The following VSTM2A variants were observed in gnomAD, a reference collection of about 807,000 sequenced individuals.
The protein encoded by VSTM2A is V-set and transmembrane domain-containing protein 2A.
VSTM2A carries 13 observed loss-of-function variants against 27.3 expected under a neutral mutation model. That is an observed-to-expected ratio of 0.48 (90% confidence interval 0.31 to 0.76). The LOEUF is 0.76. Ranked by LOEUF, VSTM2A falls within the 30% of genes least tolerant of loss-of-function variation. The pLI, the probability that VSTM2A is intolerant of heterozygous loss-of-function variation, is 0.05. For missense variants in VSTM2A, 280 were observed against 310.0 expected (o/e 0.90, Z 0.73); for synonymous variants, 142 against 125.7 (o/e 1.13, Z -0.87).
At chr7:54,569,018 T>C in intron 4 of VSTM2A, 113 bp from the exon 5 acceptor site, 1 of 1,601,158 alleles carries the variant, frequency 6.2e-7, no homozygotes, top group South Asian at 1.1e-5. Context: ...GGTGCGAGGA[T>C]AGCTACAAGC....
chr7:54,547,018 G>C, intron 3 of VSTM2A, 21 bp downstream of exon 3: 1 of 1,570,752 alleles, frequency 6.4e-7, no homozygotes, highest in Non-Finnish European at 8.6e-7. Flanking sequence ...GGCGCGCCAA[G>C]GGCCGCGGGC....
In VSTM2A at chr7:54,542,846, CGT is replaced by C. The variant is rs149647056; in HGVS notation, c.79+48_79+49del. ...TCAATGGCAAATATACATTTGCTTG[CGT>C]GTGTGTGTGTTTCCTACACTCAAAA... On this transcript the variant is annotated intron_variant, in intron 1 of 4. Transcript: ENST00000402613. The C allele has an allele frequency of 5.4e-3, 8,382 of 1,564,686 alleles. 375 individuals are homozygous for C. In the African/African-American group the frequency reaches 0.097, roughly 18 times the overall value.
At chr7:54,569,089 A>G (rs1245883492) in intron 4 of VSTM2A, 42 bp from the exon 5 acceptor site, 2 of 1,602,124 alleles carry the variant, frequency 1.2e-6, no homozygotes, top group Non-Finnish European at 8.5e-7. Context: ...GCTTTAATCT[A>G]AAGTGCTGAC....
intron 4 of VSTM2A, among the ~76,000 whole-genome samples, chr7:54,568,234 C>T (rs1788782374): frequency 1.3e-5 from 2 of 152,208 alleles, no homozygotes; most frequent in Non-Finnish European, 1.5e-5. Flanking sequence ...TCAGTGTGGA[C>T]CCAAACATGA....
chr7:54,545,098 C>G (rs908047096), intron 2 of VSTM2A, among the ~76,000 whole-genome samples: 1 of 152,082 alleles, frequency 6.6e-6, no homozygotes, highest in Admixed American at 6.5e-5. Flanking sequence ...CCCGGGACAT[C>G]CGGGAGCCCC....
chr7:54,562,942 CTAAA>C (rs1418473395), intron 4 of VSTM2A, among the ~76,000 whole-genome samples: 1 of 152,170 alleles, frequency 6.6e-6, no homozygotes, highest in Non-Finnish European at 1.5e-5. Flanking sequence ...AACTCTGTGA[CTAAA>C]TAGTTTCAAG....
In VSTM2A at chr7:54,542,463, G is replaced by A; in HGVS notation, c.-268G>A. 2.0e-6 allele frequency: 1 copy of A among 489,574 alleles called. No homozygotes were observed. The highest frequency in any genetic ancestry group is 3.6e-6 in the Non-Finnish European group (1 of 279,626). 30.3% of individuals were successfully genotyped at this position (489,574 alleles called of 1,614,324 possible). On this transcript the variant is annotated 5_prime_UTR_variant, in exon 1 of 5. Coordinates refer to ENST00000402613, the MANE Select transcript of VSTM2A (RefSeq NM_001301009.2). ...ACGTTGGACGAGCTGCCAGGTAGCT[G>A]AAAGCAGGCAGCCAGGCAGCCGAGA...
At chr7:54,546,558 C>CCCCGGCCCG (rs1554330498) in intron 2 of VSTM2A, 1 of 136,302 alleles carries the variant, frequency 7.3e-6, no homozygotes, top group African/African-American at 3.4e-5. Flanking sequence ...CCTGGCGCCC[C>CCCCGGCCCG]CCCGCCTGCC....
chr7:54,556,969 C>T (rs1160225863), intron 4 of VSTM2A: 5 of 152,198 alleles, frequency 3.3e-5, no homozygotes, highest in Admixed American at 2.0e-4. Flanking sequence ...TGATGTCTGC[C>T]ACTTCAGGAA....
chr7:54,567,611 A>G (rs976928092), intron 4 of VSTM2A, among the ~76,000 whole-genome samples: 1 of 152,226 alleles, frequency 6.6e-6, no homozygotes, highest in Non-Finnish European at 1.5e-5. Context: ...AAGAAAACCA[A>G]TATTTCACAA....
intron 4 of VSTM2A, chr7:54,553,991 T>C (rs1381732718): frequency 5.8e-6 from 9 of 1,553,144 alleles, no homozygotes; most frequent in Non-Finnish European, 7.0e-6. Flanking sequence ...CACACAGAAC[T>C]GTGAAGCGGC....
chr7:54,550,372 C>G, intron 4 of VSTM2A: 1 of 1,398,394 alleles, frequency 7.2e-7, no homozygotes. Flanking sequence ...CCCGTCAGTC[C>G]CCTAGTGGTG....
intron 1 of VSTM2A, 107 bp from the exon 2 acceptor site, chr7:54,544,515 G>A (rs541925510): frequency 1.5e-6 from 2 of 1,356,884 alleles, no homozygotes; most frequent in Admixed American, 1.8e-5. Flanking sequence ...GTAAGAGAGG[G>A]GTTTTGTTGC....
intron 4 of VSTM2A, among the ~76,000 whole-genome samples, chr7:54,553,421 A>G (rs1315193544): frequency 6.6e-6 from 1 of 152,220 alleles, no homozygotes; most frequent in African/African-American, 2.4e-5. Flanking sequence ...TTTGTGTACC[A>G]TGACCACCTT....
chr7:54,567,260 T>C (rs1788753444), intron 4 of VSTM2A, among the ~76,000 whole-genome samples: 1 of 152,242 alleles, frequency 6.6e-6, no homozygotes, highest in Admixed American at 6.5e-5. Flanking sequence ...CTTAGAGTGG[T>C]TGAATGATTA....
intron 4 of VSTM2A, chr7:54,554,140 A>G (rs1388142169): frequency 7.2e-6 from 11 of 1,535,486 alleles, no homozygotes; most frequent in Non-Finnish European, 9.7e-6. Context: ...CCTGCTTCCA[A>G]TTCCCCACCC....
intron 2 of VSTM2A, 142 bp from the exon 3 acceptor site, chr7:54,546,805 A>G: frequency 3.3e-6 from 3 of 913,028 alleles, no homozygotes; most frequent in African/African-American, 1.9e-5. Context: ...GGGCCTGGAC[A>G]GGGGTGGCCA....
intron 2 of VSTM2A, chr7:54,546,562 G>GCCCGCCCC (rs1562705159): frequency 4.7e-5 from 4 of 85,756 alleles, no homozygotes; most frequent in Middle Eastern, 3.5e-3. Context: ...GCGCCCCCCC[G>GCCCGCCCC]CCTGCCCGCC....
At chr7:54,561,257 T>A (rs1159537300) in intron 4 of VSTM2A, among the ~76,000 whole-genome samples, 2 of 152,198 alleles carry the variant, frequency 1.3e-5, no homozygotes, top group African/African-American at 4.8e-5. Flanking sequence ...GTGTTTAGCA[T>A]GTACTTAGAG....
Sources: allele counts gnomAD v4.1 joint callset (sites outside exome capture counted in the v4.1 genomes callset), GRCh38; gene constraint gnomAD v4.1.1; transcripts MANE v1.5; gene names NCBI Gene and HGNC (gene_info 2026-07-23, HGNC 2026-07-21).